Variants in MGAT4D observed in about 807,000 individuals in gnomAD.
MGAT4D encodes MGAT4 family member D.
A neutral mutation model predicts 15.9 loss-of-function variants in MGAT4D; 34 were observed. The ratio of observed to expected loss-of-function variants is 2.14; its 90% CI spans 1.62 to 2.84. The LOEUF (loss-of-function observed/expected upper bound fraction) is 2.84. Ranked by LOEUF, MGAT4D falls within the 30% of genes most tolerant of loss-of-function variation. The pLI, the probability that MGAT4D is intolerant of heterozygous loss-of-function variation, is 0.00. For missense variants in MGAT4D, 327 were observed against 140.2 expected (o/e 2.33, Z -6.73); for synonymous variants, 112 against 48.2 (o/e 2.33, Z -5.49).
intron 1 of MGAT4D, among the ~76,000 whole-genome samples, chr4:140,494,096 C>A (rs891772194): frequency 6.6e-6 from 1 of 152,124 alleles, no homozygotes; most frequent in Admixed American, 6.5e-5. Context: ...GAATTGGTTA[C>A]CTGATGTACT....
chr4:140,447,570 A>G (rs182195163), intron 10 of MGAT4D, among the ~76,000 whole-genome samples: 2 of 152,018 alleles, frequency 1.3e-5, no homozygotes, highest in African/African-American at 4.8e-5. Flanking sequence ...TTCTCCATCC[A>G]TTTATTTTGA....
At chr4:140,456,519 T>G (rs1730811421) in intron 9 of MGAT4D, 70 bp downstream of exon 9, 1 of 482,466 alleles carries the variant, frequency 2.1e-6, no homozygotes, top group African/African-American at 2.0e-5. Context: ...GGTAAACAAA[T>G]TTTAGGTAAT....
At chr4:140,485,604 G>T (rs72941706) in intron 1 of MGAT4D, among the ~76,000 whole-genome samples, 13,006 of 149,868 alleles carry the variant, frequency 0.087, 563 homozygotes, top group South Asian at 0.11. Flanking sequence ...AAATAGAACT[G>T]CATAACGCAG....
chr4:140,453,561 C>T (rs983942467), intron 9 of MGAT4D, among the ~76,000 whole-genome samples: 4 of 151,060 alleles, frequency 2.6e-5, no homozygotes, highest in Non-Finnish European at 4.4e-5. Flanking sequence ...TCTCTGTGTC[C>T]CCACCCAAAT....
intron 1 of MGAT4D, among the ~76,000 whole-genome samples, chr4:140,497,129 G>A (rs1209591951): frequency 3.3e-5 from 5 of 152,134 alleles, no homozygotes; most frequent in Non-Finnish European, 2.9e-5. Flanking sequence ...AAAACATGAA[G>A]CCACTCCCAA....
intron 1 of MGAT4D, among the ~76,000 whole-genome samples, chr4:140,490,698 T>C (rs1733446503): frequency 6.6e-6 from 1 of 152,246 alleles, no homozygotes; most frequent in Admixed American, 6.5e-5. Context: ...TTAAAGTTAT[T>C]GGCTTCTGTA....
At chr4:140,487,564 A>C (rs1245173928) in intron 1 of MGAT4D, among the ~76,000 whole-genome samples, 1 of 152,220 alleles carries the variant, frequency 6.6e-6, no homozygotes, top group Non-Finnish European at 1.5e-5. Context: ...CAATATATCC[A>C]AAATGTTTCA....
At chr4:140,471,842 T>C in intron 4 of MGAT4D, 21 bp from the exon 5 acceptor site, 1 of 456,218 alleles carries the variant, frequency 2.2e-6, no homozygotes, top group Non-Finnish European at 4.0e-6. Flanking sequence ...GAAAAATATT[T>C]TACTGAAACT....
intron 10 of MGAT4D, among the ~76,000 whole-genome samples, chr4:140,446,748 T>G (rs1031468816): frequency 1.4e-4 from 10 of 73,344 alleles, no homozygotes; most frequent in African/African-American, 4.4e-4. Context: ...CTCTAGTTTT[T>G]TTTTTTTTTT....
intron 5 of MGAT4D, among the ~76,000 whole-genome samples, chr4:140,466,448 A>G (rs1731536775): frequency 6.6e-6 from 1 of 152,152 alleles, no homozygotes; most frequent in African/African-American, 2.4e-5. Flanking sequence ...GAGTATAACA[A>G]TTTGCTGAAG....
At chr4:140,462,037 G>C (rs1731222631) in intron 6 of MGAT4D, 33 bp from the exon 7 acceptor site, 2 of 690,278 alleles carry the variant, frequency 2.9e-6, no homozygotes, top group Non-Finnish European at 2.6e-6. Flanking sequence ...GTTAATATTT[G>C]TCATTATTAA....
intron 10 of MGAT4D, among the ~76,000 whole-genome samples, chr4:140,450,543 T>C (rs1293172730): frequency 6.6e-6 from 1 of 152,188 alleles, no homozygotes; most frequent in Non-Finnish European, 1.5e-5. Context: ...CAGCTAACAT[T>C]TACTGAGTTC....
At chr4:140,495,705 TA>T (rs1733791779) in intron 1 of MGAT4D, among the ~76,000 whole-genome samples, 1 of 152,216 alleles carries the variant, frequency 6.6e-6, no homozygotes, top group Non-Finnish European at 1.5e-5. Flanking sequence ...TATCTATCCA[TA>T]AAATTTTGTT....
chr4:140,493,374 C>A (rs547914697), intron 1 of MGAT4D, among the ~76,000 whole-genome samples: 1 of 149,320 alleles, frequency 6.7e-6, no homozygotes, highest in African/African-American at 2.5e-5. Flanking sequence ...CGGCTTACTG[C>A]AAGCTCTGCC....
At chr4:140,463,678 A>G (rs1731341957) in intron 6 of MGAT4D, among the ~76,000 whole-genome samples, 1 of 152,252 alleles carries the variant, frequency 6.6e-6, no homozygotes, top group Non-Finnish European at 1.5e-5. Flanking sequence ...GATAAGTGCT[A>G]CGTGAAGATA....
At chr4:140,477,747 A>G (rs1010496717) in intron 3 of MGAT4D, among the ~76,000 whole-genome samples, 2 of 152,234 alleles carry the variant, frequency 1.3e-5, no homozygotes, top group African/African-American at 4.8e-5. Flanking sequence ...GGGTCTACTG[A>G]AGGATTTTAA....
intron 1 of MGAT4D, among the ~76,000 whole-genome samples, chr4:140,497,171 CT>C (rs1409153667): frequency 1.3e-5 from 2 of 152,044 alleles, no homozygotes; most frequent in African/African-American, 2.4e-5. Context: ...CCAAGATTAC[CT>C]TGTGTGCACT....
chr4:140,464,949 G>A lies in MGAT4D; in HGVS notation c.633C>T (p.Tyr211=), dbSNP rs113253917. 271 of 702,726 alleles carry A rather than the reference G, an allele frequency of 3.9e-4. No homozygotes were observed. The highest frequency in any genetic ancestry group is 5.6e-4 in the Non-Finnish European group (217 of 384,910). 43.5% of individuals were successfully genotyped at this position (702,726 alleles called of 1,614,324 possible). A position where few individuals can be genotyped will look rare whatever the true frequency, so the allele number is the denominator to read the frequency against. The change falls in exon 6 of 11, where the codon TAC becomes TAT. Residue 211 remains tyrosine, a synonymous_variant. Coordinates refer to ENST00000511113, the MANE Select transcript of MGAT4D (RefSeq NM_001277353.2). Reference sequence around the variant, plus strand: ...AGTGCTTGGCATTTAACATGCTTGAGTATAAAAAGGCAGGTATTGAAATGA... The same window carrying A: ...AGTGCTTGGCATTTAACATGCTTGAATATAAAAAGGCAGGTATTGAAATGA... The part of the protein sequence containing the change: ...LEVISIPAFL[Y]SSMLNAKHLA...
Position 140,461,919 on chromosome 4 carries a change from A to ACACC in MGAT4D, c.762+9_762+10insGGTG. On this transcript the variant is annotated intron_variant, in intron 7 of 10. Coordinates refer to ENST00000511113, the MANE Select transcript of MGAT4D (RefSeq NM_001277353.2). ...CACACACACACACACACACACACAC[A>ACACC]ATTTCTGACCTGTAAATAATACTTG... The ACACC allele has an allele frequency of 1.4e-6, 1 of 692,106 alleles. No individual in the cohort carries two copies. Among genetic ancestry groups the ACACC allele is most frequent in the Non-Finnish European group, 2.6e-6 (1 of 380,190 alleles). 42.9% of individuals were successfully genotyped at this position (692,106 alleles called of 1,614,324 possible).
Sources: gnomAD v4.1 joint callset for allele counts (sites outside exome capture counted in the v4.1 genomes callset) on GRCh38, gnomAD v4.1.1 for gene constraint, MANE v1.5 for transcripts, NCBI Gene and HGNC (gene_info 2026-07-23, HGNC 2026-07-21) for gene names.